The following ERBB4 variants were observed in gnomAD, a reference collection of about 807,000 sequenced individuals.
The protein encoded by ERBB4 is erb-b2 receptor tyrosine kinase 4, also known as receptor tyrosine-protein kinase erbB-4.
In ERBB4, 42 loss-of-function variants were observed where a neutral mutation model predicts 158.0. The ratio of observed to expected loss-of-function variants is 0.27; its 90% CI spans 0.21 to 0.34. The LOEUF is 0.34. ERBB4 is among the 10% of genes least tolerant of loss of function. The pLI is 1.00. For synonymous variants in ERBB4, 583 were observed against 558.7 expected (o/e 1.04, Z -0.61); for missense variants, 1,333 against 1,624.1 (o/e 0.82, Z 3.08).
intron 1 of ERBB4, among the ~76,000 whole-genome samples, chr2:212,341,626 A>T (rs2088717840): frequency 6.6e-6 from 1 of 152,186 alleles, no homozygotes; most frequent in South Asian, 2.1e-4. Context: ...TCTTTGACTA[A>T]ATGACATATT....
intron 1 of ERBB4, among the ~76,000 whole-genome samples, chr2:212,419,792 G>A (rs142972189): frequency 4.6e-5 from 7 of 151,834 alleles, no homozygotes; most frequent in South Asian, 2.1e-4. Flanking sequence ...CTGAATTAAC[G>A]TCCTATTCAA....
rs1171209971 is a variant in ERBB4 at position 211,988,964 on chromosome 2, C to A, written c.235-41348G>T. Among the ~76,000 whole-genome samples, 5 of 152,114 alleles carry A rather than the reference C, an allele frequency of 3.3e-5. No individual in the cohort carries two copies. In the South Asian group the frequency reaches 1.0e-3, roughly 32 times the overall value. Reference sequence around the variant, plus strand: ...ATGAAACCCCATGAATGAATTTTAACAGCATTTCTCTTCTTTAACAGAAAC... The same window carrying A: ...ATGAAACCCCATGAATGAATTTTAAAAGCATTTCTCTTCTTTAACAGAAAC... On this transcript the variant is annotated intron_variant, in intron 2 of 27. Coordinates refer to ENST00000342788, the MANE Select transcript of ERBB4 (RefSeq NM_005235.3).
At chr2:212,167,279 G>C (rs1489884813) in intron 1 of ERBB4, among the ~76,000 whole-genome samples, 1 of 151,940 alleles carries the variant, frequency 6.6e-6, no homozygotes, top group Non-Finnish European at 1.5e-5. Context: ...GTGGGCAAAG[G>C]ATATGAACAG....
chr2:212,008,048 CTATTT>C (rs1188535557), intron 2 of ERBB4, among the ~76,000 whole-genome samples: 1 of 151,970 alleles, frequency 6.6e-6, no homozygotes, highest in Non-Finnish European at 1.5e-5. Flanking sequence ...GCATATTCAT[CTATTT>C]TATTTCTAAA....
Position 212,055,141 on chromosome 2 carries a change from C to T in ERBB4, c.234+69611G>A, listed in dbSNP as rs186916712. 9.0e-4 allele frequency among the ~76,000 whole-genome samples: 137 copies of T among 152,330 alleles called. 1 individual carries two copies. Among genetic ancestry groups the T allele is most frequent in the African/African-American group, 3.2e-3 (132 of 41,568 alleles). Reference sequence around the variant, plus strand: ...TCCAATGGTCTTAGCAAATGGCACACCAGGTTATACTCCGCACCTGGCTCG... The same window carrying T: ...TCCAATGGTCTTAGCAAATGGCACATCAGGTTATACTCCGCACCTGGCTCG... On this transcript the variant is annotated intron_variant, in intron 2 of 27. Transcript: ENST00000342788.
chr2:211,861,750 CA>C (rs2078061489), intron 3 of ERBB4, among the ~76,000 whole-genome samples: 2 of 152,098 alleles, frequency 1.3e-5, no homozygotes, highest in South Asian at 2.1e-4. Context: ...AGGCTTGGAA[CA>C]ACAAGGAAGC....
intron 1 of ERBB4, among the ~76,000 whole-genome samples, chr2:212,143,122 C>T (rs1467642925): frequency 6.6e-6 from 1 of 151,954 alleles, no homozygotes; most frequent in Non-Finnish European, 1.5e-5. Flanking sequence ...TTTTAGTGTA[C>T]TATTGAAACT....
intron 1 of ERBB4, among the ~76,000 whole-genome samples, chr2:212,536,607 C>A (rs998985844): frequency 6.6e-6 from 1 of 152,174 alleles, no homozygotes; most frequent in African/African-American, 2.4e-5. Flanking sequence ...GAAGCGAGGG[C>A]GCGAGCTAGT....
chr2:211,790,921 T>G (rs1240663316), intron 3 of ERBB4, among the ~76,000 whole-genome samples: 6 of 151,974 alleles, frequency 3.9e-5, no homozygotes, highest in Admixed American at 3.9e-4. Context: ...TCTTACACTT[T>G]CTTTTGATTA....
intron 21 of ERBB4, among the ~76,000 whole-genome samples, chr2:211,430,411 G>A (rs1453519053): frequency 6.6e-6 from 1 of 152,148 alleles, no homozygotes. Context: ...ACCATATAGT[G>A]GGTGAAAGAG....
intron 20 of ERBB4, among the ~76,000 whole-genome samples, chr2:211,536,705 G>A (rs1175245849): frequency 1.3e-5 from 2 of 151,928 alleles, no homozygotes; most frequent in Non-Finnish European, 2.9e-5. Flanking sequence ...TCGAAGAATG[G>A]GAGTCAGAAA....
At chr2:211,877,400 G>A (rs958188041) in intron 3 of ERBB4, among the ~76,000 whole-genome samples, 14 of 152,070 alleles carry the variant, frequency 9.2e-5, no homozygotes, top group Non-Finnish European at 1.9e-4. Context: ...CACAGTTAAT[G>A]TATTGCCTGT....
chr2:212,255,302 A>C (rs1482756823), intron 1 of ERBB4, among the ~76,000 whole-genome samples: 1 of 152,140 alleles, frequency 6.6e-6, no homozygotes, highest in Non-Finnish European at 1.5e-5. Context: ...GTGCTGGGGG[A>C]AAGAGTCATT....
chr2:212,199,871 T>A (rs2082541531), intron 1 of ERBB4, among the ~76,000 whole-genome samples: 1 of 105,224 alleles, frequency 9.5e-6, no homozygotes, highest in African/African-American at 5.6e-5. Context: ...CTGACCTATG[T>A]CCCTAGCATG....
At chr2:211,478,812 C>T (rs2065017281) in intron 20 of ERBB4, among the ~76,000 whole-genome samples, 2 of 152,070 alleles carry the variant, frequency 1.3e-5, no homozygotes, top group South Asian at 4.1e-4. Flanking sequence ...CTAATGGTAA[C>T]ATCCTTTTTT....
chr2:211,739,206 A>G (rs1006268577), intron 5 of ERBB4, among the ~76,000 whole-genome samples: 8 of 152,064 alleles, frequency 5.3e-5, no homozygotes, highest in African/African-American at 1.7e-4. Context: ...ACATTATCTT[A>G]TTCCATAAGT....
chr2:212,461,045 G>A (rs879438809), intron 1 of ERBB4, among the ~76,000 whole-genome samples: 3 of 152,208 alleles, frequency 2.0e-5, no homozygotes, highest in Non-Finnish European at 4.4e-5. Flanking sequence ...ACTCCTGGAT[G>A]TCGAGGTAGA....
intron 1 of ERBB4, among the ~76,000 whole-genome samples, chr2:212,208,403 C>T (rs1414969830): frequency 2.0e-5 from 3 of 152,004 alleles, no homozygotes; most frequent in African/African-American, 7.3e-5. Flanking sequence ...ATATAATATA[C>T]TTATCTATCT....
At chr2:211,730,847 C>G (rs1168090405) in intron 5 of ERBB4, among the ~76,000 whole-genome samples, 1 of 151,982 alleles carries the variant, frequency 6.6e-6, no homozygotes, top group Non-Finnish European at 1.5e-5. Context: ...AATATTCAGT[C>G]TAGAGTTGAG....
Sources: gnomAD v4.1 joint callset for allele counts (sites outside exome capture counted in the v4.1 genomes callset) on GRCh38, gnomAD v4.1.1 for gene constraint, MANE v1.5 for transcripts, NCBI Gene and HGNC (gene_info 2026-07-23, HGNC 2026-07-21) for gene names.